The following NAB1 variants were observed in gnomAD, a reference collection of about 807,000 sequenced individuals.
NAB1 encodes NGFI-A-binding protein 1.
In NAB1, 25 loss-of-function variants were observed where a neutral mutation model predicts 49.9. The observed-to-expected ratio is 0.50, with a 90% CI of 0.37 to 0.70. The LOEUF is 0.70. NAB1 is among the 30% of genes least tolerant of loss of function. NAB1 has a pLI of 0.00. For missense variants in NAB1, 489 were observed against 575.9 expected (o/e 0.85, Z 1.54); for synonymous variants, 198 against 215.6 (o/e 0.92, Z 0.71).
chr2:190,670,280 GA>G lies in NAB1; in HGVS notation c.820-43del. ...TAAGTGAAACCTTTTGCATTTTGAT[GA>G]AATTAAAATGTTCTTAATTTTGAAA... On this transcript the variant is annotated intron_variant, in intron 4 of 9. Transcript: ENST00000337386. This position sits in a 1 kb window ranked among gnomAD's most constrained non-coding sequence, Gnocchi z 5.3. 6.5e-7 allele frequency: 1 copy of G among 1,539,268 alleles called. No homozygotes were observed. Among genetic ancestry groups the G allele is most frequent in the Non-Finnish European group, 8.8e-7 (1 of 1,137,084 alleles).
intron 2 of NAB1, among the ~76,000 whole-genome samples, chr2:190,655,116 A>G (rs967738595): frequency 2.6e-5 from 4 of 152,254 alleles, no homozygotes; most frequent in Admixed American, 6.5e-5. Context: ...GCAAATATTT[A>G]TGACTACTTT....
rs1406474914 is a variant in NAB1, at chr2:190,676,127, A to G, written c.1005+2975A>G. On this transcript the variant is annotated intron_variant, in intron 6 of 9. Transcript: ENST00000337386. This position sits in a 1 kb window ranked among gnomAD's most constrained non-coding sequence, Gnocchi z 4.6. The stretch of plus-strand genomic sequence containing the variant: ...AGAATTTCTGGTATGAGAAGAGATC[A>G]GGGGAGACTATTGGGAAGGTGTAAT... 6.6e-6 allele frequency among the ~76,000 whole-genome samples: 1 copy of G among 152,124 alleles called. No individual in the cohort carries two copies. The highest frequency in any genetic ancestry group is 1.5e-5 in the Non-Finnish European group (1 of 68,016).
rs1015120313 is a variant in NAB1 at position 190,690,612 on chromosome 2, G to A, written c.*279G>A. 1.0e-5 allele frequency: 3 copies of A among 290,654 alleles called. No individual in the cohort carries two copies. The highest frequency in any genetic ancestry group is 1.3e-5 in the Non-Finnish European group (2 of 154,756). 18.0% of individuals were successfully genotyped at this position (290,654 alleles called of 1,614,324 possible). A position where few individuals can be genotyped will look rare whatever the true frequency, so the allele number is the denominator to read the frequency against. ...ATGGAAAGGCTTACAAATCAATATT[G>A]TAAGCATTCATTATTTAAGAATGTA... On this transcript the variant is annotated 3_prime_UTR_variant, in exon 10 of 10. Transcript: ENST00000337386.
chr2:190,687,151 AC>A, intron 8 of NAB1, 49 bp from the exon 9 acceptor site: 1 of 1,220,538 alleles, frequency 8.2e-7, no homozygotes, highest in South Asian at 1.8e-5. Context: ...TTTAAGAAAA[AC>A]CATGGTATGT....
At chr2:190,671,235 T>C (rs1432008811) in intron 5 of NAB1, among the ~76,000 whole-genome samples, 2 of 152,166 alleles carry the variant, frequency 1.3e-5, no homozygotes, top group Non-Finnish European at 2.9e-5. Context: ...CCAGCCCTAA[T>C]CAATCACATT....
chr2:190,683,047 G>A (rs1352930322), intron 6 of NAB1, among the ~76,000 whole-genome samples: 1 of 152,098 alleles, frequency 6.6e-6, no homozygotes, highest in African/African-American at 2.4e-5. Context: ...TCCAATGCGA[G>A]GATAGTGGCT....
At chr2:190,683,916 C>T (rs1242997187) in intron 7 of NAB1, 89 bp downstream of exon 7, 2 of 997,292 alleles carry the variant, frequency 2.0e-6, no homozygotes, top group Non-Finnish European at 3.0e-6. Flanking sequence ...TTTTAAGTAT[C>T]TGAGGCCTGA....
rs1197477126 is a variant in NAB1, at chr2:190,654,009, A to G, written c.-196-1968A>G. On this transcript the variant is annotated intron_variant, in intron 2 of 9. Transcript: ENST00000337386. This position sits in a 1 kb window ranked among gnomAD's most constrained non-coding sequence, Gnocchi z 5.6. Reference sequence around the variant, plus strand: ...GCAATTCATTGAGATACTGGTTTACACAGAAGGCCTCCCCTTTGGAATATG... The same window carrying G: ...GCAATTCATTGAGATACTGGTTTACGCAGAAGGCCTCCCCTTTGGAATATG... Among the ~76,000 whole-genome samples, 3 of 152,224 alleles carry G rather than the reference A, an allele frequency of 2.0e-5. No homozygotes were observed. Among genetic ancestry groups the G allele is most frequent in the African/African-American group, 7.2e-5 (3 of 41,448 alleles).
chr2:190,656,790 A>G (rs952219569), intron 3 of NAB1, among the ~76,000 whole-genome samples: 4 of 152,018 alleles, frequency 2.6e-5, no homozygotes, highest in African/African-American at 9.7e-5. Context: ...TCTAACATAT[A>G]TTTTTTCTTA....
chr2:190,654,576 A>T lies in NAB1; in HGVS notation c.-196-1401A>T, dbSNP rs1314528467. 6.6e-6 allele frequency among the ~76,000 whole-genome samples: 1 copy of T among 152,148 alleles called. No homozygotes were observed. The highest frequency in any genetic ancestry group is 1.5e-5 in the Non-Finnish European group (1 of 68,032). ...ATCTGCTTGGCACAAGTATATGGGCATGTTAAGGAACAGAGAGAAGGCTGG... is the reference window on the plus strand; with the variant it reads ...ATCTGCTTGGCACAAGTATATGGGCTTGTTAAGGAACAGAGAGAAGGCTGG... On this transcript the variant is annotated intron_variant, in intron 2 of 9. Coordinates refer to ENST00000337386, the MANE Select transcript of NAB1 (RefSeq NM_005966.4). The surrounding 1 kb of genome is among the most constrained non-coding windows in gnomAD (Gnocchi z 5.6).
At chr2:190,664,662 G>A (rs187323537) in intron 4 of NAB1, among the ~76,000 whole-genome samples, 44 of 125,678 alleles carry the variant, frequency 3.5e-4, no homozygotes, top group African/African-American at 1.3e-3. Context: ...AAACTCCTGG[G>A]CTCAAGCGAT....
rs1192887993 is a variant in NAB1 at position 190,658,405 on chromosome 2, ATCTCGTAG to A, written c.-19-750_-19-743del. Among the ~76,000 whole-genome samples, 189 of 152,234 alleles carry A rather than the reference ATCTCGTAG, an allele frequency of 1.2e-3. 3 individuals are homozygous for A. Among genetic ancestry groups the A allele is most frequent in the Non-Finnish European group, 1.2e-4 (8 of 68,012 alleles). ...TTAGAATTCTGAACTCTCAGATGTA[ATCTCGTAG>A]TCACCTGTAACTCTTCCCTTAAACC... On this transcript the variant is annotated intron_variant, in intron 3 of 9. Coordinates refer to ENST00000337386, the MANE Select transcript of NAB1 (RefSeq NM_005966.4).
rs575173203 is a variant in NAB1, at chr2:190,679,800, G to C, written c.1006-3938G>C. ...CCAGAAACAGTATTGAGGCATTGGG[G>C]CTCATGGGGATTCTGATTGGTGCAC... On this transcript the variant is annotated intron_variant, in intron 6 of 9. Transcript: ENST00000337386. This position sits in a 1 kb window ranked among gnomAD's most constrained non-coding sequence, Gnocchi z 5.3. Among the ~76,000 whole-genome samples, 1 of 152,100 alleles carries C rather than the reference G, an allele frequency of 6.6e-6. No individual in the cohort carries two copies. Among genetic ancestry groups the C allele is most frequent in the Non-Finnish European group, 1.5e-5 (1 of 68,036 alleles).
intron 5 of NAB1, among the ~76,000 whole-genome samples, chr2:190,671,127 ATTGTG>A (rs1694782854): frequency 6.6e-6 from 1 of 152,178 alleles, no homozygotes; most frequent in Non-Finnish European, 1.5e-5. Context: ...TCCAGCCCGC[ATTGTG>A]TTGTGCCTGC....
Position 190,683,778 on chromosome 2 carries a change from T to A in NAB1, c.1046T>A (p.Phe349Tyr). 1 of 1,613,868 alleles carries A rather than the reference T, an allele frequency of 6.2e-7. No homozygotes were observed. Residue 349 changes from phenylalanine to tyrosine, a missense_variant, in exon 7 of 10, where the codon TTC becomes TAC. Phe to Tyr is a conservative substitution (Grantham distance 22). This residue lies in a region of NAB1 where 212 missense variants were observed against 199.3 expected (regional missense o/e 1.06). Transcript: ENST00000337386. ...TTCCAGGATTCTGTGCAAACACTCT[T>A]CCAGCAGGCTAGAGCTAAGAGTGAA... ...PDFQDSVQTL[F>Y]QQARAKSEEL...
rs1695909448 is a variant in NAB1 at position 190,690,785 on chromosome 2, T to C, written c.*452T>C. 1 of 153,070 alleles carries C rather than the reference T, an allele frequency of 6.5e-6. No individual in the cohort carries two copies. Among genetic ancestry groups the C allele is most frequent in the South Asian group, 2.1e-4 (1 of 4,856 alleles). 9.5% of individuals were successfully genotyped at this position (153,070 alleles called of 1,614,324 possible). Reference sequence around the variant, plus strand: ...TATATGTCAGAGTTTAGAATCTGCCTGCAGTTGTGAAAAAGAAAGCTTAAG... The same window carrying C: ...TATATGTCAGAGTTTAGAATCTGCCCGCAGTTGTGAAAAAGAAAGCTTAAG... On this transcript the variant is annotated 3_prime_UTR_variant, in exon 10 of 10. Transcript: ENST00000337386.
rs998320234 is a variant in NAB1, at chr2:190,657,184, C to T, written c.-20+1031C>T. On this transcript the variant is annotated intron_variant, in intron 3 of 9. Transcript: ENST00000337386. This position sits in a 1 kb window ranked among gnomAD's most constrained non-coding sequence, Gnocchi z 4.4. Reference sequence around the variant, plus strand: ...TAGTGTAGTTTAATATAGCTCTAAACTTGGGTCTGTAACTCCTGAGAGCTC... The same window carrying T: ...TAGTGTAGTTTAATATAGCTCTAAATTTGGGTCTGTAACTCCTGAGAGCTC... Among the ~76,000 whole-genome samples the T allele has an allele frequency of 1.3e-5, 2 of 152,148 alleles. No homozygotes were observed. Among genetic ancestry groups the T allele is most frequent in the African/African-American group, 4.8e-5 (2 of 41,428 alleles).
Position 190,651,978 on chromosome 2 carries a change from C to A in NAB1, c.-197+1996C>A, listed in dbSNP as rs542253988. 2.6e-5 allele frequency among the ~76,000 whole-genome samples: 4 copies of A among 152,264 alleles called. No homozygotes were observed. In the East Asian group the frequency reaches 5.8e-4, roughly 22 times the overall value. ...GGATTTATTTTTATCTTACCTGCTTCTTTTATCCTTTTCAACAGTAGAATG... is the reference window on the plus strand; with the variant it reads ...GGATTTATTTTTATCTTACCTGCTTATTTTATCCTTTTCAACAGTAGAATG... On this transcript the variant is annotated intron_variant, in intron 2 of 9. Coordinates refer to ENST00000337386, the MANE Select transcript of NAB1 (RefSeq NM_005966.4). The surrounding 1 kb of genome is among the most constrained non-coding windows in gnomAD (Gnocchi z 4.3).
chr2:190,667,526 G>A lies in NAB1; in HGVS notation c.820-2800G>A, dbSNP rs1259164784. ...ATTGTGCCTTTCAAAGGCACTTAGGGGAGGAATTTATCTATTGATGACTCT... is the reference window on the plus strand; with the variant it reads ...ATTGTGCCTTTCAAAGGCACTTAGGAGAGGAATTTATCTATTGATGACTCT... On this transcript the variant is annotated intron_variant, in intron 4 of 9. Coordinates refer to ENST00000337386, the MANE Select transcript of NAB1 (RefSeq NM_005966.4). The surrounding 1 kb of genome is among the most constrained non-coding windows in gnomAD (Gnocchi z 4.4). 2.0e-5 allele frequency among the ~76,000 whole-genome samples: 3 copies of A among 152,138 alleles called. No homozygotes were observed. The highest frequency in any genetic ancestry group is 4.4e-5 in the Non-Finnish European group (3 of 68,018).
Sources: allele counts gnomAD v4.1 joint callset (sites outside exome capture counted in the v4.1 genomes callset), GRCh38; gene constraint gnomAD v4.1.1; regional missense constraint gnomAD v4.1.1; non-coding constraint Gnocchi (gnomAD v3.1); transcripts MANE v1.5; gene names NCBI Gene and HGNC (gene_info 2026-07-23, HGNC 2026-07-21).